CACNB4: variants seen among roughly 807,000 people sequenced by gnomAD.
The protein encoded by CACNB4 is voltage-dependent L-type calcium channel subunit beta-4.
A neutral mutation model predicts 71.2 loss-of-function variants in CACNB4; 32 were observed. The observed-to-expected ratio is 0.45, with a 90% CI of 0.34 to 0.60. The LOEUF is 0.60. Ranked by LOEUF, CACNB4 falls within the 20% of genes least tolerant of loss-of-function variation. The pLI is 0.01. For synonymous variants in CACNB4, 231 were observed against 236.9 expected, an observed-to-expected ratio of 0.97 and a Z score of 0.23; for missense variants, 464 against 647.9, an observed-to-expected ratio of 0.72 and a Z score of 3.08.
At chr2:152,007,662 A>G (rs1340174587) in intron 2 of CACNB4, among the ~76,000 whole-genome samples, 1 of 152,218 alleles carries the variant, frequency 6.6e-6, no homozygotes, top group African/African-American at 2.4e-5. Flanking sequence ...GCTATTGTGA[A>G]GAATGCTGCT....
rs781542443 is a variant in CACNB4, at chr2:151,880,874, C to T, written c.316G>A (p.Ala106Thr). 1.2e-5 allele frequency: 19 copies of T among 1,613,480 alleles called. No individual in the cohort carries two copies. The highest frequency in any genetic ancestry group is 4.4e-5 in the South Asian group (4 of 91,012). ...GGAACAGGCACATCCTCGTCCAGGG[C>T]GCCGCAGTAGCTCACATTTGTCTTC... ...AVKTNVSYCG[A>T]LDEDVPVPST... Residue 106 changes from alanine (A) to threonine (T), a missense_variant, in exon 4 of 14, where the codon GCC (alanine) becomes ACC (threonine). Ala to Thr is a moderately conservative substitution (Grantham distance 58, BLOSUM62 0). This residue lies in a region of CACNB4 where 299 missense variants were observed against 471.7 expected (regional missense o/e 0.63). Transcript: ENST00000539935.
At chr2:151,871,734 A>T (rs1165787623) in intron 6 of CACNB4, 1 of 152,614 alleles carries the variant, frequency 6.6e-6, no homozygotes, top group East Asian at 1.9e-4. Context: ...TGGTAATACA[A>T]TTGGAATTGG....
chr2:151,875,040 A>G, intron 5 of CACNB4: 1 of 398,942 alleles, frequency 2.5e-6, no homozygotes, highest in East Asian at 3.6e-5. Flanking sequence ...TTTATTGATC[A>G]TTCTTGGGTG....
chr2:152,025,543 A>G (rs1483707328), intron 2 of CACNB4, among the ~76,000 whole-genome samples: 1 of 152,250 alleles, frequency 6.6e-6, no homozygotes, highest in Non-Finnish European at 1.5e-5. Flanking sequence ...CTGTAACACT[A>G]AAAGAATGAT....
chr2:151,928,300 C>A (rs748561671), intron 2 of CACNB4, among the ~76,000 whole-genome samples: 1 of 152,194 alleles, frequency 6.6e-6, no homozygotes. Context: ...CCTTTTACAG[C>A]GCTTTCTACA....
chr2:152,068,139 T>C (rs965136457), intron 2 of CACNB4, among the ~76,000 whole-genome samples: 1 of 152,088 alleles, frequency 6.6e-6, no homozygotes, highest in East Asian at 1.9e-4. Flanking sequence ...AGAGCCCTCA[T>C]AGGAAAAGAG....
intron 2 of CACNB4, among the ~76,000 whole-genome samples, chr2:151,904,396 T>A (rs1203883833): frequency 6.6e-6 from 1 of 152,258 alleles, no homozygotes; most frequent in Non-Finnish European, 1.5e-5. Flanking sequence ...GTTGCCCTGT[T>A]GGTTACTATC....
Position 152,098,202 on chromosome 2 carries a change from A to T in CACNB4, c.147+128T>A. On this transcript the variant is annotated intron_variant, in intron 2 of 13. Transcript: ENST00000539935. This position sits in a 1 kb window ranked among gnomAD's most constrained non-coding sequence, Gnocchi z 5.3. The stretch of plus-strand genomic sequence containing the variant: ...AGGGACTGAGCCCGAGCACCGGCCG[A>T]GGCCGGGAAGAGACGCGCGCGGGCT... The T allele has an allele frequency of 1.5e-6, 1 of 681,722 alleles. No individual in the cohort carries two copies. The highest frequency in any genetic ancestry group is 2.6e-5 in the East Asian group (1 of 38,180). 42.2% of individuals were successfully genotyped at this position (681,722 alleles called of 1,614,324 possible).
intron 2 of CACNB4, among the ~76,000 whole-genome samples, chr2:151,981,729 A>T (rs1319484782): frequency 6.6e-6 from 1 of 152,156 alleles, no homozygotes; most frequent in East Asian, 1.9e-4. Context: ...GCCTATTACA[A>T]CTTAAAAATA....
chr2:152,068,162 C>T (rs1020326450), intron 2 of CACNB4, among the ~76,000 whole-genome samples: 3 of 152,100 alleles, frequency 2.0e-5, no homozygotes, highest in African/African-American at 7.2e-5. Context: ...GATTCCAAGA[C>T]CTGGAATCAG....
rs537074649 is a variant in CACNB4, at chr2:151,983,782, T to C, written c.148-100412A>G. Among the ~76,000 whole-genome samples the C allele has an allele frequency of 2.6e-5, 4 of 151,932 alleles. No individual in the cohort carries two copies. The East Asian group carries it at 7.7e-4, about 29-fold the overall frequency. Reference sequence around the variant, plus strand: ...AAAATGAACTCTCAAATTTTTAAGATAGATTGAAAAATTTAAAATAGCAAG... The same window carrying C: ...AAAATGAACTCTCAAATTTTTAAGACAGATTGAAAAATTTAAAATAGCAAG... On this transcript the variant is annotated intron_variant, in intron 2 of 13. Coordinates refer to ENST00000539935, the MANE Select transcript of CACNB4 (RefSeq NM_000726.5).
At chr2:152,083,972 C>A (rs1579267763) in intron 2 of CACNB4, among the ~76,000 whole-genome samples, 1 of 152,300 alleles carries the variant, frequency 6.6e-6, no homozygotes, top group East Asian at 1.9e-4. Context: ...CCTGCTCCAC[C>A]TCCACCACAA....
chr2:152,016,624 T>C (rs1256296903), intron 2 of CACNB4, among the ~76,000 whole-genome samples: 2 of 152,346 alleles, frequency 1.3e-5, no homozygotes, highest in East Asian at 1.9e-4. Context: ...AATGTTGACA[T>C]GACCATGACC....
intron 2 of CACNB4, among the ~76,000 whole-genome samples, chr2:152,043,642 T>TA (rs1158790788): frequency 6.6e-6 from 1 of 152,082 alleles, no homozygotes; most frequent in Non-Finnish European, 1.5e-5. Flanking sequence ...CCTTCACACT[T>TA]AAAGTGAGAG....
chr2:151,930,747 AT>A (rs2099861443), intron 2 of CACNB4, among the ~76,000 whole-genome samples: 1 of 152,116 alleles, frequency 6.6e-6, no homozygotes, highest in Non-Finnish European at 1.5e-5. Context: ...ATACTCCTTT[AT>A]TTTTTAAACC....
At chr2:151,935,624 T>G (rs1205161365) in intron 2 of CACNB4, among the ~76,000 whole-genome samples, 1 of 152,234 alleles carries the variant, frequency 6.6e-6, no homozygotes, top group Non-Finnish European at 1.5e-5. Flanking sequence ...CAAATCCATA[T>G]GCGGATAGAA....
intron 2 of CACNB4, among the ~76,000 whole-genome samples, chr2:151,916,770 G>A (rs2099857636): frequency 1.3e-5 from 2 of 152,324 alleles, no homozygotes; most frequent in Admixed American, 6.5e-5. Context: ...GTTCCCAGCT[G>A]GAGGCAATTT....
chr2:151,849,727 C>A (rs557180199), intron 12 of CACNB4, among the ~76,000 whole-genome samples: 1 of 152,204 alleles, frequency 6.6e-6, no homozygotes, highest in East Asian at 1.9e-4. Context: ...GCCCAGCCTT[C>A]AGCCATTTCT....
intron 2 of CACNB4, among the ~76,000 whole-genome samples, chr2:152,076,959 G>T (rs998194403): frequency 6.6e-6 from 1 of 152,236 alleles, no homozygotes; most frequent in African/African-American, 2.4e-5. Flanking sequence ...TAAGCAGGGA[G>T]GGGGGCTGGC....
Sources: allele counts gnomAD v4.1 joint callset (sites outside exome capture counted in the v4.1 genomes callset), GRCh38; gene constraint gnomAD v4.1.1; regional missense constraint gnomAD v4.1.1; non-coding constraint Gnocchi (gnomAD v3.1); transcripts MANE v1.5; gene names NCBI Gene and HGNC (gene_info 2026-07-23, HGNC 2026-07-21).